IL12RB1: variants seen among roughly 807,000 people sequenced by gnomAD.
IL12RB1 encodes the protein interleukin 12 receptor subunit beta 1.
Under a neutral mutation model 94.4 loss-of-function variants are expected in IL12RB1, and 64 were observed. The ratio of observed to expected loss-of-function variants is 0.68; its 90% CI spans 0.55 to 0.83. The LOEUF (loss-of-function observed/expected upper bound fraction) is 0.83, where lower values mean the gene tolerates loss of function less well. Among genes scored for constraint, IL12RB1 ranks in the 40% least tolerant of loss-of-function variants. The probability of loss-of-function intolerance (pLI) is 0.00; values close to 1 mark genes in which losing one functional copy is unlikely to be tolerated. For missense variants in IL12RB1, 814 were observed against 855.6 expected, an observed-to-expected ratio of 0.95 and a Z score of 0.61; for synonymous variants, 362 against 355.5, an observed-to-expected ratio of 1.02 and a Z score of -0.21.
upstream of IL12RB1, among the ~76,000 whole-genome samples, chr19:18,090,015 AGGCCTGGG>A (rs1233013962): frequency 1.3e-5 from 2 of 152,184 alleles, no homozygotes; most frequent in Non-Finnish European, 2.9e-5. Context: ...TGGATGTGTG[AGGCCTGGG>A]GGAGGGGCAG....
At chr19:18,084,691 ATC>A (rs879815883) in intron 1 of IL12RB1, among the ~76,000 whole-genome samples, 7,158 of 151,862 alleles carry the variant, frequency 0.047, 196 homozygotes, top group Middle Eastern at 0.065. Context: ...CCATCCATCC[ATC>A]CATCCATACA....
chr19:18,068,071 A>G (rs1187576801), intron 11 of IL12RB1, among the ~76,000 whole-genome samples: 14 of 121,334 alleles, frequency 1.2e-4, no homozygotes, highest in African/African-American at 3.6e-4. Flanking sequence ...TGTCACCCAG[A>G]CTGGAGTACA....
In IL12RB1 at chr19:18,069,673, G is replaced by A. The variant is rs754627692; in HGVS notation, c.1062C>T (p.Thr354=). ...GAGCCCGGGCTGGCCAATACATGGT[G>A]GTCCCGTTGGTTCCGACGCTGATAT... ...ALNISVGTNG[T]TMYWPARAQS... The change falls in exon 10 of 17, where the codon ACC becomes ACT. Residue 354 remains threonine (T), a synonymous_variant. Transcript: ENST00000593993. 1 of 1,612,588 alleles carries A rather than the reference G, an allele frequency of 6.2e-7. No homozygotes were observed. Among genetic ancestry groups the A allele is most frequent in the Admixed American group, 1.7e-5 (1 of 60,006 alleles).
exon 1 of IL12RB1, chr19:18,098,774 C>T (rs776749057): frequency 1.1e-5 from 5 of 456,688 alleles, no homozygotes; most frequent in South Asian, 7.7e-5. Context: ...ATTTATGGAG[C>T]GCCTGCTGTG....
intron 2 of IL12RB1, 178 bp downstream of exon 2, chr19:18,083,254 C>G (rs969046237): frequency 4.2e-6 from 3 of 709,370 alleles, no homozygotes; most frequent in Non-Finnish European, 7.8e-6. Context: ...GCTGGCTACT[C>G]CAGGGCAACT....
intron 6 of IL12RB1, 27 bp from the exon 7 acceptor site, chr19:18,075,895 G>GC (rs1265069962): frequency 9.3e-6 from 15 of 1,610,336 alleles, no homozygotes; most frequent in African/African-American, 1.3e-5. Flanking sequence ...CGAACATCAG[G>GC]CCGTAAGAAT....
rs543020525 is a variant in IL12RB1 at position 18,069,431 on chromosome 19, C to T, written c.1189+115G>A. On this transcript the variant is annotated intron_variant, in intron 10 of 16. Transcript: ENST00000593993. ...CTGTATGACATTGAGTAAGCAGCAA[C>T]ACCTCTCTGGGCCTTAGACACCCGC... 17 of 1,020,588 alleles carry T rather than the reference C, an allele frequency of 1.7e-5. No individual in the cohort carries two copies. In the Admixed American group the frequency reaches 2.5e-4, roughly 15 times the overall value. The allele number at this position is 1,020,588 out of a possible 1,614,324, so 63.2% of individuals were successfully genotyped here.
upstream of IL12RB1, among the ~76,000 whole-genome samples, chr19:18,087,679 C>A (rs1230629957): frequency 6.6e-6 from 1 of 151,198 alleles, no homozygotes; most frequent in African/African-American, 2.4e-5. Flanking sequence ...CCACGCCCAG[C>A]TAATTTTTGC....
At chr19:18,067,037 A>C (rs990746668) in intron 11 of IL12RB1, among the ~76,000 whole-genome samples, 8 of 149,534 alleles carry the variant, frequency 5.3e-5, no homozygotes, top group Non-Finnish European at 1.0e-4. Flanking sequence ...TAAAAAAAAA[A>C]AAAAGCCCAG....
At chr19:18,077,340 C>T (rs940467164) in intron 5 of IL12RB1, among the ~76,000 whole-genome samples, 176 bp downstream of exon 5, 3 of 150,558 alleles carry the variant, frequency 2.0e-5, no homozygotes, top group African/African-American at 7.3e-5. Flanking sequence ...CCAGCCTGGG[C>T]GACAGAGCAA....
intron 1 of IL12RB1, among the ~76,000 whole-genome samples, chr19:18,098,435 G>A (rs1286206933): frequency 6.6e-6 from 1 of 152,144 alleles, no homozygotes; most frequent in African/African-American, 2.4e-5. Flanking sequence ...TGTGACCTGG[G>A]GGGAGGGCAC....
chr19:18,095,959 C>T (rs1158628862), intron 1 of IL12RB1, among the ~76,000 whole-genome samples: 1 of 152,172 alleles, frequency 6.6e-6, no homozygotes, highest in Non-Finnish European at 1.5e-5. Flanking sequence ...CACAGTGGCT[C>T]ATGCCTGTAG....
intron 1 of IL12RB1, among the ~76,000 whole-genome samples, chr19:18,096,832 TAAA>T (rs147883182): frequency 0.1 from 14,007 of 135,066 alleles, 1,896 homozygotes; most frequent in African/African-American, 0.32. Flanking sequence ...TCTCATAAAT[TAAA>T]AAAAAAAAAA....
At chr19:18,077,894 C>G (rs1029686015) in intron 4 of IL12RB1, among the ~76,000 whole-genome samples, 1 of 152,178 alleles carries the variant, frequency 6.6e-6, no homozygotes, top group African/African-American at 2.4e-5. Flanking sequence ...AGGAAGATCA[C>G]TTAAGCCCAG....
intron 2 of IL12RB1, chr19:18,082,982 C>T (rs2036021040): frequency 3.8e-6 from 1 of 264,798 alleles, no homozygotes; most frequent in Admixed American, 4.9e-5. Context: ...ACTTGGAAGG[C>T]TGAGGCTGGA....
chr19:18,087,427 C>G (rs574975346), upstream of IL12RB1, among the ~76,000 whole-genome samples: 6 of 152,000 alleles, frequency 3.9e-5, no homozygotes, highest in Non-Finnish European at 8.8e-5. Flanking sequence ...CCAGGCTGGT[C>G]TCGAACTCCT....
chr19:18,075,883 G>A lies in IL12RB1; in HGVS notation c.581-15C>T, dbSNP rs1445811206. The A allele has an allele frequency of 1.9e-6, 3 of 1,612,364 alleles. No individual in the cohort carries two copies. The highest frequency in any genetic ancestry group is 2.7e-5 in the African/African-American group (2 of 74,882). On this transcript the variant is annotated splice_polypyrimidine_tract_variant and intron_variant, in intron 6 of 16. Coordinates refer to ENST00000593993, the MANE Select transcript of IL12RB1 (RefSeq NM_005535.3). ...GAGGCAGGACTCTGGGGAGAGGCAG[G>A]TCGAACATCAGGCCGTAAGAATTGT... is the stretch of plus-strand genomic sequence containing the variant.
intron 11 of IL12RB1, among the ~76,000 whole-genome samples, chr19:18,068,047 A>G (rs2034723144): frequency 1.2e-5 from 1 of 83,508 alleles, no homozygotes; most frequent in South Asian, 4.3e-4. Context: ...TTTTTTTGAG[A>G]CAGAGTCTTG....
intron 4 of IL12RB1, 150 bp downstream of exon 4, chr19:18,080,682 A>C: frequency 1.4e-6 from 1 of 715,990 alleles, no homozygotes; most frequent in South Asian, 1.5e-5. Context: ...CTGCTTTGTC[A>C]CAATAGTGTT....
Sources: allele counts gnomAD v4.1 joint callset (sites outside exome capture counted in the v4.1 genomes callset), GRCh38; gene constraint gnomAD v4.1.1; transcripts MANE v1.5; gene names NCBI Gene and HGNC (gene_info 2026-07-23, HGNC 2026-07-21).